Variants in CACNA1H observed in about 807,000 individuals in gnomAD.
The protein encoded by CACNA1H is voltage-dependent T-type calcium channel subunit alpha-1H.
A neutral mutation model predicts 192.5 loss-of-function variants in CACNA1H; 149 were observed. That is an observed-to-expected ratio of 0.77 (90% CI 0.68 to 0.89). The LOEUF is 0.89. Ranked by LOEUF, CACNA1H falls within the 40% of genes least tolerant of loss-of-function variation. The probability of loss-of-function intolerance (pLI) is 0.00; values close to 1 mark genes in which losing one functional copy is unlikely to be tolerated. For missense variants in CACNA1H, 4,257 were observed against 3,423.5 expected, an observed-to-expected ratio of 1.24 and a Z score of -6.08; for synonymous variants, 2,202 against 1,475.2, an observed-to-expected ratio of 1.49 and a Z score of -11.29.
At chr16:1,206,916 T>TCCCCCCC in intron 12 of CACNA1H, 85 bp from the exon 13 acceptor site, 1 of 52,308 alleles carries the variant, frequency 1.9e-5, no homozygotes, top group East Asian at 9.0e-4. Context: ...CCCTCCCTCC[T>TCCCCCCC]CCCACCCCCC....
At chr16:1,204,627 C>T (rs1021699475) in intron 10 of CACNA1H, among the ~76,000 whole-genome samples, 169 bp downstream of exon 10, 2 of 152,232 alleles carry the variant, frequency 1.3e-5, no homozygotes, top group Non-Finnish European at 2.9e-5. Flanking sequence ...GCCGAGCCTC[C>T]ACTGGAGGGG....
chr16:1,220,029 G>A lies in CACNA1H; in HGVS notation c.6097G>A (p.Asp2033Asn). ...SLEGKIDSPR[D>N]TLDPAEPGEK... ...GGAAGGGAAGATTGACAGCCCTAGG[G>A]ACACCCTGGATCCTGCAGAGCCTGG... The change falls in exon 35 of 35, where the codon GAC becomes AAC. Residue 2033 changes from aspartate (D) to asparagine (N), a missense_variant. By Grantham distance (23) the Asp-to-Asn change is conservative. Transcript: ENST00000348261. 3 of 1,407,170 alleles carry A rather than the reference G, an allele frequency of 2.1e-6. No individual in the cohort carries two copies. The highest frequency in any genetic ancestry group is 1.9e-6 in the Non-Finnish European group (2 of 1,080,242). The allele number at this position is 1,407,170 out of a possible 1,614,324, so 87.2% of individuals were successfully genotyped here. A position where few individuals can be genotyped will look rare whatever the true frequency, so the allele number is the denominator to read the frequency against.
intron 2 of CACNA1H, among the ~76,000 whole-genome samples, chr16:1,169,626 C>T (rs1964164903): frequency 6.6e-6 from 1 of 152,246 alleles, no homozygotes; most frequent in Non-Finnish European, 1.5e-5. Flanking sequence ...CTCCCGGGCT[C>T]CCGGTGCTTC....
intron 2 of CACNA1H, among the ~76,000 whole-genome samples, chr16:1,182,333 G>A (rs1965558500): frequency 2.0e-5 from 3 of 152,176 alleles, no homozygotes; most frequent in South Asian, 4.1e-4. Flanking sequence ...GCTCTGTTGA[G>A]ATGGAATGTT....
At chr16:1,172,457 C>T (rs915300760) in intron 2 of CACNA1H, among the ~76,000 whole-genome samples, 2 of 151,136 alleles carry the variant, frequency 1.3e-5, no homozygotes, top group South Asian at 2.1e-4. Flanking sequence ...GGGCCTGGCC[C>T]GCCTCCGTCT....
chr16:1,195,611 G>A lies in CACNA1H; in HGVS notation c.545+46G>A, dbSNP rs762972911. The A allele has an allele frequency of 6.3e-6, 9 of 1,430,494 alleles. No homozygotes were observed. The Admixed American group carries it at 1.0e-4, about 16-fold the overall frequency. 88.6% of individuals were successfully genotyped at this position (1,430,494 alleles called of 1,614,324 possible). On this transcript the variant is annotated intron_variant, in intron 4 of 34. Transcript: ENST00000348261. ...GCCACAGCGCTGGCGAAGGGGCCCC[G>A]CCCACCCCACAGGGATCCCTGTGTC...
intron 2 of CACNA1H, among the ~76,000 whole-genome samples, chr16:1,165,263 G>A (rs997726654): frequency 3.9e-5 from 6 of 152,292 alleles, no homozygotes; most frequent in East Asian, 3.9e-4. Context: ...CAGATGTAGC[G>A]TCACAGGAAT....
chr16:1,183,950 G>C (rs1325725975), intron 2 of CACNA1H, among the ~76,000 whole-genome samples: 3 of 152,230 alleles, frequency 2.0e-5, no homozygotes, highest in East Asian at 3.8e-4. Context: ...CCGTGTCCAT[G>C]CCGCCTGGGG....
chr16:1,176,580 G>A (rs571871309), intron 2 of CACNA1H, among the ~76,000 whole-genome samples: 57 of 152,340 alleles, frequency 3.7e-4, no homozygotes, highest in African/African-American at 1.3e-3. Context: ...TCCGAGAATG[G>A]AATCTGGGTC....
At chr16:1,195,345 G>C in intron 3 of CACNA1H, 87 bp from the exon 4 acceptor site, 3 of 1,511,124 alleles carry the variant, frequency 2.0e-6, no homozygotes, top group Non-Finnish European at 2.7e-6. Context: ...TGGCAAGACT[G>C]GGGGCCGGGC....
In CACNA1H at chr16:1,191,993, G is replaced by A. The variant is rs545319775; in HGVS notation, c.300-2979G>A. Among the ~76,000 whole-genome samples, 94 of 152,378 alleles carry A rather than the reference G, an allele frequency of 6.2e-4. No individual in the cohort carries two copies. The Middle Eastern group carries it at 0.017, about 28-fold the overall frequency. ...GTTCCATTGTCGCCAGGCTTAGCTC[G>A]GGAGGCCGTCTGCAGCTGGCGTGCC... On this transcript the variant is annotated intron_variant, in intron 2 of 34. Transcript: ENST00000348261.
In CACNA1H at chr16:1,210,396, TCA is replaced by T; in HGVS notation, c.3879_3880del (p.His1293GlnfsTer4). 1 of 1,273,032 alleles carries T rather than the reference TCA, an allele frequency of 7.9e-7. No homozygotes were observed. Among genetic ancestry groups the T allele is most frequent in the Non-Finnish European group, 1.0e-6 (1 of 956,978 alleles). The allele number at this position is 1,273,032 out of a possible 1,614,324, so 78.9% of individuals were successfully genotyped here. ...TTCCGCGTCTCCTGCCAGAAGGTCA[TCA>T]CACACAAGATGTTTGATCACGTGGT... On this transcript the variant is annotated frameshift_variant, in exon 19 of 35. Transcript: ENST00000348261. LOFTEE classifies it high-confidence loss of function.
At chr16:1,204,585 G>A in intron 10 of CACNA1H, 127 bp downstream of exon 10, 2 of 717,886 alleles carry the variant, frequency 2.8e-6, no homozygotes, top group South Asian at 4.3e-5. Context: ...GCTCTAGAAA[G>A]CCGGGGATGG....
chr16:1,168,839 G>A (rs541150109), intron 2 of CACNA1H, among the ~76,000 whole-genome samples: 9 of 151,940 alleles, frequency 5.9e-5, no homozygotes, highest in South Asian at 2.1e-4. Flanking sequence ...TGTCTGCATC[G>A]GGTACTCCCT....
chr16:1,218,585 T>C lies in CACNA1H; in HGVS notation c.5821T>C (p.Ser1941Pro). 6.4e-7 allele frequency: 1 copy of C among 1,565,730 alleles called. No homozygotes were observed. Among genetic ancestry groups the C allele is most frequent in the Non-Finnish European group, 8.7e-7 (1 of 1,155,470 alleles). ...SYMFRPVVPA[S>P]APHPRPLQEV... is the part of the protein sequence containing the mutation. ...CATGTTCAGGCCCGTGGTGCCTGCC[T>C]CGGCGCCCCACCCCCGCCCGCTGCA... Residue 1941 changes from serine to proline, a missense_variant, in exon 33 of 35, where the codon TCG (serine) becomes CCG (proline). Coordinates refer to ENST00000348261, the MANE Select transcript of CACNA1H (RefSeq NM_021098.3).
In CACNA1H at chr16:1,194,981, G is replaced by A; in HGVS notation, c.309G>A (p.Glu103=). The A allele has an allele frequency of 6.2e-7, 1 of 1,611,656 alleles. No individual in the cohort carries two copies. Among genetic ancestry groups the A allele is most frequent in the Non-Finnish European group, 8.5e-7 (1 of 1,178,994 alleles). The change falls in exon 3 of 35, where the codon GAG becomes GAA. Residue 103 remains glutamate, a synonymous_variant. Coordinates refer to ENST00000348261, the MANE Select transcript of CACNA1H (RefSeq NM_021098.3). ...CLRLVCNPWF[E]HVSMLVIMLN... ...TAACCCGCGGCGACACATGGTTCGA[G>A]CACGTGAGCATGCTGGTAATCATGC...
Position 1,220,518 on chromosome 16 carries a change from C to T in CACNA1H, c.6586C>T (p.Pro2196Ser), listed in dbSNP as rs1202379081. ...GAGCCCCCCCTGCATCTCGGTGGAA[C>T]CCCCTGCGGAGGACGAGGGCTCTGC... ...KMSPPCISVE[P>S]PAEDEGSARP... Residue 2196 changes from proline to serine, a missense_variant, in exon 35 of 35, where the codon CCC becomes TCC. Transcript: ENST00000348261. 2.6e-6 allele frequency: 4 copies of T among 1,533,108 alleles called. No homozygotes were observed. Among genetic ancestry groups the T allele is most frequent in the South Asian group, 1.3e-5 (1 of 76,872 alleles). 95.0% of individuals were successfully genotyped at this position (1,533,108 alleles called of 1,614,324 possible).
At chr16:1,173,905 C>T (rs941589492) in intron 2 of CACNA1H, among the ~76,000 whole-genome samples, 1 of 152,178 alleles carries the variant, frequency 6.6e-6, no homozygotes, top group Admixed American at 6.5e-5. Context: ...TACCTGTGCA[C>T]ACAGTGGGGC....
chr16:1,208,443 C>G (rs1969019611), intron 16 of CACNA1H, among the ~76,000 whole-genome samples: 1 of 152,260 alleles, frequency 6.6e-6, no homozygotes, highest in Non-Finnish European at 1.5e-5. Flanking sequence ...GCTCTGTGCG[C>G]CCAACAGTCT....
Sources: gnomAD v4.1 joint callset for allele counts (sites outside exome capture counted in the v4.1 genomes callset) on GRCh38, gnomAD v4.1.1 for gene constraint, MANE v1.5 for transcripts, NCBI Gene and HGNC (gene_info 2026-07-23, HGNC 2026-07-21) for gene names.